The following FAM107B variants were observed in gnomAD, a reference collection of about 807,000 sequenced individuals.
FAM107B encodes the protein family with sequence similarity 107 member B.
In FAM107B, 21 loss-of-function variants were observed where a neutral mutation model predicts 31.5. That is an observed-to-expected ratio of 0.67 (90% CI 0.47 to 0.96). FAM107B has a LOEUF of 0.96. Ranked by LOEUF, FAM107B falls within the 40% of genes least tolerant of loss-of-function variation. The pLI is 0.00. For synonymous variants in FAM107B, 157 were observed against 141.5 expected, an observed-to-expected ratio of 1.11 and a Z score of -0.78; for missense variants, 452 against 377.1, an observed-to-expected ratio of 1.20 and a Z score of -1.64.
chr10:14,641,382 ATGC>A (rs1853623538), intron 2 of FAM107B, among the ~76,000 whole-genome samples: 1 of 152,224 alleles, frequency 6.6e-6, no homozygotes, highest in Non-Finnish European at 1.5e-5. Flanking sequence ...ATTAGAATAG[ATGC>A]AAAACCAAGT....
intron 2 of FAM107B, among the ~76,000 whole-genome samples, chr10:14,570,863 ATTTT>A (rs35227134): frequency 6.9e-6 from 1 of 145,820 alleles, no homozygotes; most frequent in Non-Finnish European, 1.5e-5. Context: ...TCATGTGTTC[ATTTT>A]TTTTTTTTTT....
chr10:14,543,691 T>TAAAAAAAAAA (rs11318873), intron 2 of FAM107B, among the ~76,000 whole-genome samples: 1 of 138,854 alleles, frequency 7.2e-6, no homozygotes, highest in Non-Finnish European at 1.5e-5. Flanking sequence ...CTAAAAACTT[T>TAAAAAAAAAA]AAAAAAAAAA....
At chr10:14,753,736 T>C (rs1017907975) in intron 1 of FAM107B, among the ~76,000 whole-genome samples, 15 of 152,228 alleles carry the variant, frequency 9.9e-5, no homozygotes, top group African/African-American at 7.2e-5. Context: ...ATGAGAATGA[T>C]AAATTTTACT....
intron 3 of FAM107B, among the ~76,000 whole-genome samples, chr10:14,527,064 C>T (rs1291873776): frequency 2.6e-5 from 4 of 151,936 alleles, no homozygotes; most frequent in African/African-American, 9.7e-5. Context: ...GTCTTGATCT[C>T]CTCACCTCGT....
chr10:14,522,415 T>A (rs1401663330), intron 3 of FAM107B, among the ~76,000 whole-genome samples: 1 of 107,316 alleles, frequency 9.3e-6, no homozygotes, highest in African/African-American at 3.4e-5. Context: ...TAGCCCCTGA[T>A]TTTTTTTTTT....
At chr10:14,532,829 CCAAA>C (rs1409149719) in intron 2 of FAM107B, 2 of 152,250 alleles carry the variant, frequency 1.3e-5, no homozygotes, top group Non-Finnish European at 2.9e-5. Context: ...GATGCCAAAC[CCAAA>C]CAGACAACTG....
chr10:14,660,888 T>C (rs1854217570), intron 2 of FAM107B, among the ~76,000 whole-genome samples: 1 of 152,184 alleles, frequency 6.6e-6, no homozygotes, highest in South Asian at 2.1e-4. Context: ...TGGATTTGTG[T>C]CCTTCCCCAA....
intron 2 of FAM107B, among the ~76,000 whole-genome samples, chr10:14,538,476 G>A (rs147132406): frequency 2.6e-5 from 4 of 152,332 alleles, no homozygotes; most frequent in South Asian, 2.1e-4. Flanking sequence ...AGTATATACT[G>A]CATGCGTCCA....
intron 2 of FAM107B, among the ~76,000 whole-genome samples, chr10:14,651,202 T>C (rs1853889063): frequency 6.6e-6 from 1 of 152,224 alleles, no homozygotes; most frequent in South Asian, 2.1e-4. Flanking sequence ...CTGGGAAATA[T>C]TGTTTTAGAG....
chr10:14,559,119 A>AAAAAAAAAAC (rs1564565831), intron 2 of FAM107B, among the ~76,000 whole-genome samples: 4 of 35,638 alleles, frequency 1.1e-4, no homozygotes, highest in Non-Finnish European at 1.7e-4. Flanking sequence ...AAAAAAAAAC[A>AAAAAAAAAAC]AAAAAAAAAC....
chr10:14,734,905 A>C (rs193132613), intron 1 of FAM107B, among the ~76,000 whole-genome samples: 479 of 152,274 alleles, frequency 3.1e-3, no homozygotes, highest in African/African-American at 0.011. Context: ...TCCCCTGAAG[A>C]AAACAAATTG....
chr10:14,644,738 C>G (rs1211493783), intron 2 of FAM107B, among the ~76,000 whole-genome samples: 2 of 152,136 alleles, frequency 1.3e-5, no homozygotes, highest in African/African-American at 2.4e-5. Flanking sequence ...ATGAAGAATG[C>G]CACACAAATG....
chr10:14,601,162 TG>T (rs1852384451), intron 2 of FAM107B, among the ~76,000 whole-genome samples: 2 of 152,198 alleles, frequency 1.3e-5, no homozygotes, highest in African/African-American at 4.8e-5. Context: ...GTCTGGTGAA[TG>T]GAGAGTAAAT....
At chr10:14,759,395 T>C (rs1235656080) in intron 1 of FAM107B, among the ~76,000 whole-genome samples, 1 of 152,162 alleles carries the variant, frequency 6.6e-6, no homozygotes, top group Non-Finnish European at 1.5e-5. Flanking sequence ...TTCTCTGCCA[T>C]TCTTTCCTGG....
chr10:14,582,375 CTTTTTTTTTT>C (rs71388188), intron 2 of FAM107B, among the ~76,000 whole-genome samples: 1 of 112,086 alleles, frequency 8.9e-6, no homozygotes, highest in African/African-American at 3.5e-5. Flanking sequence ...TTTTTCTTTT[CTTTTTTTTTT>C]TTTTTTTTTG....
Position 14,572,077 on chromosome 10 carries a change from A to G in FAM107B, c.470-41562T>C, listed in dbSNP as rs139864160. 7.6e-4 allele frequency: 751 copies of G among 985,468 alleles called. 1 individual carries two copies. The African/African-American group carries it at 0.012, about 16-fold the overall frequency. The allele number at this position is 985,468 out of a possible 1,614,324, so 61.0% of individuals were successfully genotyped here. A position where few individuals can be genotyped will look rare whatever the true frequency, so the allele number is the denominator to read the frequency against. ...TCCCCACAAAGAACTCTCTTTCTGG[A>G]TATCAAAAGAGCCACAGTTCAAGTT... On this transcript the variant is annotated intron_variant, in intron 2 of 4. Transcript: ENST00000181796.
chr10:14,618,747 G>A (rs1212716885), intron 2 of FAM107B, among the ~76,000 whole-genome samples: 2 of 152,152 alleles, frequency 1.3e-5, no homozygotes, highest in Non-Finnish European at 2.9e-5. Context: ...TGAGGCAGGA[G>A]AGTCGCTTGA....
intron 2 of FAM107B, chr10:14,571,897 C>CGGTT (rs1564579113): frequency 1.0e-6 from 1 of 985,284 alleles, no homozygotes; most frequent in Non-Finnish European, 1.2e-6. Context: ...AAGTGACGAA[C>CGGTT]GGTTACAGAG....
chr10:14,701,585 A>G (rs1274643108), intron 1 of FAM107B, among the ~76,000 whole-genome samples: 1 of 152,286 alleles, frequency 6.6e-6, no homozygotes, highest in East Asian at 1.9e-4. Context: ...CTCCAAGAAT[A>G]TAGACCTATC....
Sources: allele counts gnomAD v4.1 joint callset (sites outside exome capture counted in the v4.1 genomes callset), GRCh38; gene constraint gnomAD v4.1.1; transcripts MANE v1.5; gene names NCBI Gene and HGNC (gene_info 2026-07-23, HGNC 2026-07-21).